The following ANTXR1 variants were observed in gnomAD, a reference collection of about 807,000 sequenced individuals.
The protein encoded by ANTXR1 is anthrax toxin receptor 1.
A neutral mutation model predicts 78.1 loss-of-function variants in ANTXR1; 19 were observed. The ratio of observed to expected loss-of-function variants is 0.24; its 90% CI spans 0.17 to 0.36. The LOEUF (loss-of-function observed/expected upper bound fraction) is 0.36. Ranked by LOEUF, ANTXR1 falls within the 10% of genes least tolerant of loss-of-function variation. ANTXR1 has a pLI of 1.00. For synonymous variants in ANTXR1, 273 were observed against 260.5 expected, an observed-to-expected ratio of 1.05 and a Z score of -0.46; for missense variants, 518 against 718.6, an observed-to-expected ratio of 0.72 and a Z score of 3.19.
At chr2:69,151,469 T>G (rs1039889027) in intron 12 of ANTXR1, among the ~76,000 whole-genome samples, 1 of 152,112 alleles carries the variant, frequency 6.6e-6, no homozygotes, top group Non-Finnish European at 1.5e-5. Flanking sequence ...GGTCTCTGTT[T>G]GCTAAAAGTT....
At chr2:69,142,904 C>T (rs1037326895) in intron 12 of ANTXR1, among the ~76,000 whole-genome samples, 2 of 152,094 alleles carry the variant, frequency 1.3e-5, no homozygotes, top group African/African-American at 2.4e-5. Flanking sequence ...TAGCAGTCCA[C>T]GAATAGATTC....
At chr2:69,181,396 A>G (rs1674272128) in intron 14 of ANTXR1, among the ~76,000 whole-genome samples, 1 of 152,136 alleles carries the variant, frequency 6.6e-6, no homozygotes, top group Non-Finnish European at 1.5e-5. Flanking sequence ...TGTTGTTGAG[A>G]TGTTTTTTAG....
At chr2:69,167,268 G>C (rs765945395) in intron 13 of ANTXR1, among the ~76,000 whole-genome samples, 3 of 152,206 alleles carry the variant, frequency 2.0e-5, no homozygotes, top group Non-Finnish European at 2.9e-5. Flanking sequence ...GGGGTGCACT[G>C]GTTTTAAGTA....
At chr2:69,131,574 T>C (rs1183110565) in intron 12 of ANTXR1, among the ~76,000 whole-genome samples, 1 of 152,168 alleles carries the variant, frequency 6.6e-6, no homozygotes, top group African/African-American at 2.4e-5. Context: ...CGCCCCTATG[T>C]TTCTTGAGGC....
chr2:69,040,223 C>T, intron 2 of ANTXR1, 108 bp downstream of exon 2: 1 of 935,160 alleles, frequency 1.1e-6, no homozygotes, highest in Non-Finnish European at 1.7e-6. Flanking sequence ...TGTTTTTTGA[C>T]TAAGTTGGGC....
chr2:69,027,548 C>A (rs1033357443), intron 1 of ANTXR1, among the ~76,000 whole-genome samples: 2 of 152,036 alleles, frequency 1.3e-5, no homozygotes, highest in Non-Finnish European at 2.9e-5. Flanking sequence ...CATGATCTTA[C>A]TTTAGCCATC....
At position 69,110,594 on chromosome 2, in the gene ANTXR1, C is replaced by G. The variant is rs548606761; in HGVS notation, c.802+7654C>G. On this transcript the variant is annotated intron_variant, in intron 10 of 17. Coordinates refer to ENST00000303714, the MANE Select transcript of ANTXR1 (RefSeq NM_032208.3). Reference sequence around the variant, plus strand: ...ACAAAACAGGCCGGGCGCGGTGGCTCACGCCTGTAATCCCAGCACTTTGGG... The same window carrying G: ...ACAAAACAGGCCGGGCGCGGTGGCTGACGCCTGTAATCCCAGCACTTTGGG... Among the ~76,000 whole-genome samples the G allele has an allele frequency of 3.3e-5, 5 of 152,158 alleles. 1 individual carries two copies. In the South Asian group the frequency reaches 1.0e-3, roughly 32 times the overall value.
chr2:69,188,485 T>C (rs72901399), intron 16 of ANTXR1, among the ~76,000 whole-genome samples: 3,499 of 152,340 alleles, frequency 0.023, 118 homozygotes, highest in South Asian at 0.084. Flanking sequence ...AGAGTTTACA[T>C]AGAACTTCCA....
chr2:69,043,416 T>C (rs1414431236), intron 2 of ANTXR1, among the ~76,000 whole-genome samples: 1 of 152,196 alleles, frequency 6.6e-6, no homozygotes, highest in Admixed American at 6.5e-5. Flanking sequence ...TTGGCCATTA[T>C]TATATTATTA....
At chr2:69,038,954 A>G (rs542845754) in intron 1 of ANTXR1, among the ~76,000 whole-genome samples, 1 of 152,342 alleles carries the variant, frequency 6.6e-6, no homozygotes, top group African/African-American at 2.4e-5. Flanking sequence ...AATCTCTATA[A>G]AATAGTTTGA....
chr2:69,081,454 C>T (rs1378404610), intron 8 of ANTXR1, among the ~76,000 whole-genome samples: 1 of 152,184 alleles, frequency 6.6e-6, no homozygotes, highest in Non-Finnish European at 1.5e-5. Context: ...ACTTATGTGT[C>T]AGATTTTTTC....
intron 8 of ANTXR1, among the ~76,000 whole-genome samples, chr2:69,083,073 G>T (rs1670945491): frequency 6.6e-6 from 1 of 152,150 alleles, no homozygotes; most frequent in Admixed American, 6.5e-5. Flanking sequence ...ATCCTGTGCT[G>T]ATTTGTCCCT....
chr2:69,090,772 C>G (rs1671207088), intron 8 of ANTXR1, 87 bp from the exon 9 acceptor site: 1 of 1,367,040 alleles, frequency 7.3e-7, no homozygotes, highest in East Asian at 2.3e-5. Context: ...CTTCCTATCT[C>G]TATCTCAGTA....
At chr2:69,055,888 G>GCCC (rs1371283880) in intron 3 of ANTXR1, among the ~76,000 whole-genome samples, 8 of 151,096 alleles carry the variant, frequency 5.3e-5, no homozygotes, top group Admixed American at 1.3e-4. Context: ...TCCAATTTGG[G>GCCC]CTCCACCACC....
chr2:69,073,796 A>G (rs1407339467), intron 6 of ANTXR1, among the ~76,000 whole-genome samples: 7 of 152,252 alleles, frequency 4.6e-5, no homozygotes, highest in Admixed American at 3.9e-4. Context: ...CATAATTAGT[A>G]TAAAAGGAAA....
At chr2:69,113,338 GAGA>G (rs1305192197) in intron 10 of ANTXR1, among the ~76,000 whole-genome samples, 1 of 152,188 alleles carries the variant, frequency 6.6e-6, no homozygotes, top group African/African-American at 2.4e-5. Context: ...GATGATGGAA[GAGA>G]AGGTGATTAA....
intron 17 of ANTXR1, among the ~76,000 whole-genome samples, chr2:69,219,360 C>T (rs1184448683): frequency 7.2e-6 from 1 of 138,184 alleles, no homozygotes; most frequent in Non-Finnish European, 1.6e-5. Flanking sequence ...GCCTAGGTAA[C>T]ATCACAGTGT....
Position 69,247,506 on chromosome 2 carries a change from AC to A in ANTXR1, c.*2027del, listed in dbSNP as rs1189549302. On this transcript the variant is annotated 3_prime_UTR_variant, in exon 18 of 18. Coordinates refer to ENST00000303714, the MANE Select transcript of ANTXR1 (RefSeq NM_032208.3). The stretch of plus-strand genomic sequence containing the variant: ...AGAAATTTCCAGACTCATGAAAGCA[AC>A]CCCCCAGCCTCTCCCCAACCCTGCC... The A allele has an allele frequency of 2.6e-5, 4 of 152,458 alleles. No homozygotes were observed. Among genetic ancestry groups the A allele is most frequent in the Admixed American group, 1.3e-4 (2 of 15,238 alleles). The allele number at this position is 152,458 out of a possible 1,614,324, so 9.4% of individuals were successfully genotyped here. A position where few individuals can be genotyped will look rare whatever the true frequency, so the allele number is the denominator to read the frequency against.
intron 9 of ANTXR1, among the ~76,000 whole-genome samples, chr2:69,095,714 T>C (rs1671378078): frequency 6.6e-6 from 1 of 152,090 alleles, no homozygotes; most frequent in African/African-American, 2.4e-5. Context: ...GTCTGAGCTC[T>C]CCCCCCATAG....
Sources: gnomAD v4.1 joint callset for allele counts (sites outside exome capture counted in the v4.1 genomes callset) on GRCh38, gnomAD v4.1.1 for gene constraint, MANE v1.5 for transcripts, NCBI Gene and HGNC (gene_info 2026-07-23, HGNC 2026-07-21) for gene names.